Variants in CLSTN2 observed in about 807,000 individuals in gnomAD.
The protein encoded by CLSTN2 is calsyntenin-2.
CLSTN2 carries 48 observed loss-of-function variants against 101.2 expected under a neutral mutation model. The observed-to-expected ratio is 0.47, with a 90% CI of 0.38 to 0.60. The LOEUF is 0.60. CLSTN2 is among the 20% of genes least tolerant of loss of function. The pLI is 0.00. For synonymous variants in CLSTN2, 481 were observed against 463.6 expected (o/e 1.04, Z -0.48); for missense variants, 1,160 against 1,238.2 (o/e 0.94, Z 0.95).
chr3:140,083,030 C>T (rs887579993), intron 1 of CLSTN2, among the ~76,000 whole-genome samples: 6 of 152,358 alleles, frequency 3.9e-5, no homozygotes, highest in Middle Eastern at 6.8e-3. Context: ...CTTATCCCTT[C>T]AATAATTAAA....
At chr3:140,551,973 C>G (rs1221710339) in intron 10 of CLSTN2, among the ~76,000 whole-genome samples, 1 of 151,976 alleles carries the variant, frequency 6.6e-6, no homozygotes, top group Non-Finnish European at 1.5e-5. Flanking sequence ...AGAAATGGTT[C>G]AGCTGAATCT....
intron 16 of CLSTN2, among the ~76,000 whole-genome samples, chr3:140,564,783 G>T (rs776977247): frequency 3.3e-5 from 5 of 152,154 alleles, no homozygotes; most frequent in Non-Finnish European, 7.3e-5. Context: ...CAAATTTAAG[G>T]TTATCTGATT....
intron 1 of CLSTN2, among the ~76,000 whole-genome samples, chr3:140,043,142 AGT>A (rs568776412): frequency 1.4e-3 from 212 of 152,308 alleles, no homozygotes; most frequent in African/African-American, 4.8e-3. Flanking sequence ...TCCCACCAAC[AGT>A]GTAAAAGTGT....
intron 1 of CLSTN2, among the ~76,000 whole-genome samples, chr3:140,032,198 ATGAAAAATTAATTTGT>A (rs1358308062): frequency 6.6e-6 from 1 of 152,154 alleles, no homozygotes; most frequent in Admixed American, 6.5e-5. Flanking sequence ...TTTACTCACA[ATGAAAAATTAATTTGT>A]TAAAAATGTA....
chr3:140,173,569 T>C (rs1467775578), intron 1 of CLSTN2, among the ~76,000 whole-genome samples: 2 of 152,214 alleles, frequency 1.3e-5, no homozygotes, highest in African/African-American at 4.8e-5. Flanking sequence ...ACATTTCCCT[T>C]CTGCACTGCC....
At chr3:140,080,225 C>A (rs1291599544) in intron 1 of CLSTN2, among the ~76,000 whole-genome samples, 1 of 152,180 alleles carries the variant, frequency 6.6e-6, no homozygotes, top group Non-Finnish European at 1.5e-5. Flanking sequence ...TTCCTCTAGA[C>A]TCTGGCCACA....
At chr3:140,408,990 T>A (rs1338208738) in intron 4 of CLSTN2, among the ~76,000 whole-genome samples, 1 of 152,160 alleles carries the variant, frequency 6.6e-6, no homozygotes, top group Admixed American at 6.5e-5. Context: ...CCCACCACTG[T>A]GCTTGTACCT....
chr3:140,416,876 C>G (rs1273967901), intron 4 of CLSTN2, among the ~76,000 whole-genome samples: 1 of 152,230 alleles, frequency 6.6e-6, no homozygotes, highest in East Asian at 1.9e-4. Context: ...CTCTCTTTGA[C>G]AGAAGGCTGC....
intron 2 of CLSTN2, among the ~76,000 whole-genome samples, chr3:140,188,001 C>T (rs1446028644): frequency 6.6e-6 from 1 of 152,138 alleles, no homozygotes. Context: ...CTCATGGCCA[C>T]AGGTCCTGAA....
chr3:140,356,563 G>A (rs1466197786), intron 2 of CLSTN2, among the ~76,000 whole-genome samples: 1 of 152,016 alleles, frequency 6.6e-6, no homozygotes, highest in Non-Finnish European at 1.5e-5. Context: ...TTCGAGAACA[G>A]CCTGACCAAC....
At chr3:139,946,537 C>G (rs1205778641) in intron 1 of CLSTN2, among the ~76,000 whole-genome samples, 1 of 152,142 alleles carries the variant, frequency 6.6e-6, no homozygotes, top group African/African-American at 2.4e-5. Context: ...TGAACAAGAC[C>G]TTGGGATGCT....
chr3:140,367,387 C>A (rs1220527549), intron 2 of CLSTN2, among the ~76,000 whole-genome samples: 3 of 151,822 alleles, frequency 2.0e-5, no homozygotes, highest in Non-Finnish European at 2.9e-5. Flanking sequence ...GTGGTGCATG[C>A]CTGTAGTCTC....
At chr3:140,221,113 G>T (rs1353962658) in intron 2 of CLSTN2, among the ~76,000 whole-genome samples, 2 of 152,206 alleles carry the variant, frequency 1.3e-5, no homozygotes, top group East Asian at 3.8e-4. Context: ...CAGGAGCAAA[G>T]CTCAGGGGAC....
intron 2 of CLSTN2, among the ~76,000 whole-genome samples, chr3:140,343,888 T>C (rs1298467872): frequency 6.6e-6 from 1 of 152,152 alleles, no homozygotes; most frequent in Non-Finnish European, 1.5e-5. Context: ...ACTAGCTGGT[T>C]TGGTAATTCA....
At chr3:140,000,812 C>T (rs1468198892) in intron 1 of CLSTN2, among the ~76,000 whole-genome samples, 2 of 152,162 alleles carry the variant, frequency 1.3e-5, no homozygotes, top group African/African-American at 4.8e-5. Context: ...CCTATGTCAT[C>T]TCTACTGTTG....
chr3:140,257,677 G>A (rs1347762081), intron 2 of CLSTN2, among the ~76,000 whole-genome samples: 2 of 151,790 alleles, frequency 1.3e-5, no homozygotes, highest in Non-Finnish European at 2.9e-5. Context: ...CATTAAAAAT[G>A]TCTTGAAAAT....
rs372158231 is a variant in CLSTN2, at chr3:140,562,875, G to C, written c.2277G>C (p.Pro759=). The C allele has an allele frequency of 6.2e-7, 1 of 1,614,096 alleles. No homozygotes were observed. Among genetic ancestry groups the C allele is most frequent in the South Asian group, 1.1e-5 (1 of 91,080 alleles). The part of the protein sequence containing the change: ...LHHIRYRNWR[P]ASLEARRFRI... The stretch of plus-strand genomic sequence containing the variant: ...ACATCCGCTACCGCAACTGGCGTCC[G>C]GCTTCCCTTGAGGCCCGGCGTTTCC... Residue 759 remains proline (P), a synonymous_variant, in exon 14 of 17, where the codon CCG becomes CCC. Transcript: ENST00000458420.
intron 1 of CLSTN2, among the ~76,000 whole-genome samples, chr3:139,995,010 T>G (rs1247764998): frequency 6.6e-6 from 1 of 152,206 alleles, no homozygotes; most frequent in Non-Finnish European, 1.5e-5. Context: ...TGCCTCAGAC[T>G]TTATCTCTCT....
chr3:140,448,767 G>C, intron 6 of CLSTN2, 63 bp downstream of exon 6: 1 of 1,395,192 alleles, frequency 7.2e-7, no homozygotes, highest in Non-Finnish European at 1.0e-6. Flanking sequence ...TACCAAAAAA[G>C]CATATCTTAT....
Sources: gnomAD v4.1 joint callset for allele counts (sites outside exome capture counted in the v4.1 genomes callset) on GRCh38, gnomAD v4.1.1 for gene constraint, MANE v1.5 for transcripts, NCBI Gene and HGNC (gene_info 2026-07-23, HGNC 2026-07-21) for gene names.